MGAM2: variants seen among roughly 807,000 people sequenced by gnomAD.
The protein encoded by MGAM2 is probable maltase-glucoamylase 2.
Under a neutral mutation model 96.1 loss-of-function variants are expected in MGAM2, and 98 were observed. The observed-to-expected ratio is 1.02, with a 90% CI of 0.87 to 1.21. MGAM2 has a LOEUF of 1.21. MGAM2 is among the 50% of genes most tolerant of loss of function. MGAM2 has a pLI of 0.00. For missense variants in MGAM2, 2,055 were observed against 1,182.4 expected, an observed-to-expected ratio of 1.74 and a Z score of -10.82; for synonymous variants, 749 against 414.8, an observed-to-expected ratio of 1.81 and a Z score of -9.79.
At chr7:142,178,904 A>G (rs1796457064) in intron 32 of MGAM2, among the ~76,000 whole-genome samples, 1 of 152,122 alleles carries the variant, frequency 6.6e-6, no homozygotes, top group Non-Finnish European at 1.5e-5. Flanking sequence ...CATGAGCATG[A>G]AATGTTTTTT....
chr7:142,168,758 T>G (rs545876616), intron 26 of MGAM2, among the ~76,000 whole-genome samples: 1 of 150,376 alleles, frequency 6.6e-6, no homozygotes, highest in Non-Finnish European at 1.5e-5. Flanking sequence ...ATTTTAATAA[T>G]ATTTTAACCA....
chr7:142,145,145 T>C lies in MGAM2; in HGVS notation c.1516+200T>C, dbSNP rs190308564. The stretch of plus-strand genomic sequence containing the variant: ...TGCTGTCATAACTCCAGGGCAAGCA[T>C]GTGACAAAGTCTGAGCCTGCCTACC... On this transcript the variant is annotated intron_variant, in intron 14 of 47. Transcript: ENST00000477922. Among the ~76,000 whole-genome samples the C allele has an allele frequency of 2.6e-5, 4 of 152,280 alleles. No individual in the cohort carries two copies. In the East Asian group the frequency reaches 7.7e-4, roughly 29 times the overall value.
At chr7:142,179,170 T>G (rs1326326451) in intron 32 of MGAM2, among the ~76,000 whole-genome samples, 1 of 152,218 alleles carries the variant, frequency 6.6e-6, no homozygotes, top group Admixed American at 6.5e-5. Context: ...ACGTTATTGA[T>G]GTATAGAAAT....
intron 1 of MGAM2, among the ~76,000 whole-genome samples, chr7:142,114,241 C>T (rs1817309925): frequency 7.0e-6 from 1 of 142,220 alleles, no homozygotes; most frequent in Admixed American, 7.0e-5. Flanking sequence ...AAATAGGAGA[C>T]TACAAAGAAT....
At chr7:142,112,614 A>C (rs1028978191) in intron 1 of MGAM2, among the ~76,000 whole-genome samples, 5 of 152,136 alleles carry the variant, frequency 3.3e-5, no homozygotes, top group African/African-American at 1.2e-4. Context: ...CTAAGTCTTT[A>C]AGCTCTGCAG....
At chr7:142,195,040 G>A (rs1011079970) in intron 37 of MGAM2, among the ~76,000 whole-genome samples, 1 of 152,072 alleles carries the variant, frequency 6.6e-6, no homozygotes, top group Non-Finnish European at 1.5e-5. Flanking sequence ...GCCTCTGTGT[G>A]CAAAACATGT....
intron 3 of MGAM2, among the ~76,000 whole-genome samples, chr7:142,129,330 G>A (rs759539813): frequency 3.3e-5 from 5 of 152,066 alleles, no homozygotes; most frequent in African/African-American, 4.8e-5. Flanking sequence ...ATGAGACTTT[G>A]GACTTGTACT....
rs1469939801 is a variant in MGAM2, at chr7:142,150,825, A to T, written c.1635-3193A>T. 2.0e-5 allele frequency among the ~76,000 whole-genome samples: 3 copies of T among 152,178 alleles called. No individual in the cohort carries two copies. The East Asian group carries it at 5.8e-4, about 29-fold the overall frequency. ...GTACTTTATAATCGAACCCTTTCTT[A>T]CAATTTTTCTCTCACCTTTGCATCT... On this transcript the variant is annotated intron_variant, in intron 15 of 47. Coordinates refer to ENST00000477922, the MANE Select transcript of MGAM2 (RefSeq NM_001293626.2).
At chr7:142,199,012 C>G (rs1464890418) in intron 44 of MGAM2, among the ~76,000 whole-genome samples, 1 of 152,162 alleles carries the variant, frequency 6.6e-6, no homozygotes, top group Non-Finnish European at 1.5e-5. Flanking sequence ...AAATGTTTCT[C>G]TTTCCACACT....
rs1313595870 is a variant in MGAM2 at position 142,143,854 on chromosome 7, A to G, written c.1403A>G (p.Asp468Gly). 1.4e-6 allele frequency: 1 copy of G among 702,960 alleles called. No individual in the cohort carries two copies. The highest frequency in any genetic ancestry group is 2.6e-6 in the Non-Finnish European group (1 of 384,912). The allele number at this position is 702,960 out of a possible 1,614,324, so 43.5% of individuals were successfully genotyped here. Residue 468 changes from aspartate to glycine, a missense_variant, in exon 13 of 48, where the codon GAT (aspartate) becomes GGT (glycine). Physicochemically the swap from Asp to Gly is moderately conservative, Grantham distance 94. Transcript: ENST00000477922. ...ACAGATCAGGTCGCTAAATTTCATG[A>G]TCATCTGGAGTTTGATGGAGTGTGG... is the stretch of plus-strand genomic sequence containing the variant. The part of the protein sequence containing the change: ...WWTDQVAKFH[D>G]HLEFDGVWIE...
At chr7:142,151,727 A>G (rs1445926374) in intron 15 of MGAM2, among the ~76,000 whole-genome samples, 1 of 152,214 alleles carries the variant, frequency 6.6e-6, no homozygotes, top group African/African-American at 2.4e-5. Context: ...GGGTTGGTTA[A>G]TATATTCTAA....
Position 142,172,716 on chromosome 7 carries a change from C to T in MGAM2, c.3513C>T (p.Tyr1171=), listed in dbSNP as rs751041590. Residue 1171 remains tyrosine (Y), a synonymous_variant, in exon 30 of 48, where the codon TAC becomes TAT. Transcript: ENST00000477922. ...CCACAGGAGGGATTTTGGACTTCTA[C>T]ATTGTTTTGGGGCCAACCCCTGAAC... ...YRTTGGILDF[Y]IVLGPTPELV... is the part of the protein sequence containing the mutation. The T allele has an allele frequency of 5.7e-6, 4 of 704,458 alleles. No individual in the cohort carries two copies. The highest frequency in any genetic ancestry group is 1.0e-5 in the Non-Finnish European group (4 of 385,690). 43.6% of individuals were successfully genotyped at this position (704,458 alleles called of 1,614,324 possible).
intron 33 of MGAM2, among the ~76,000 whole-genome samples, chr7:142,183,859 A>T (rs1405922638): frequency 6.8e-6 from 1 of 147,650 alleles, no homozygotes; most frequent in East Asian, 2.1e-4. Flanking sequence ...TTTTAGGTGG[A>T]CTTCAGGTGA....
rs1797929807 is a variant in MGAM2, at chr7:142,221,577, G to T, written c.7066G>T (p.Ala2356Ser). The change falls in exon 48 of 48, where the codon GCT becomes TCT. Residue 2356 changes from alanine (A) to serine (S), a missense_variant. By Grantham distance (99) the Ala-to-Ser change is moderately conservative. Transcript: ENST00000477922. ...LDTKSTMVID[A>S]TVTTTSTKDN... is the part of the protein sequence containing the mutation. Reference sequence around the variant, plus strand: ...TACAAAAAGTACCATGGTAATAGATGCTACGGTCACTACTACCAGCACCAA... The same window carrying T: ...TACAAAAAGTACCATGGTAATAGATTCTACGGTCACTACTACCAGCACCAA... 9.5e-6 allele frequency: 5 copies of T among 527,368 alleles called. No homozygotes were observed. The South Asian group carries it at 1.4e-4, about 15-fold the overall frequency. 32.7% of individuals were successfully genotyped at this position (527,368 alleles called of 1,614,324 possible).
chr7:142,144,108 G>C, intron 13 of MGAM2: 1 of 320,598 alleles, frequency 3.1e-6, no homozygotes, highest in Non-Finnish European at 5.7e-6. Context: ...ATTTCATTTT[G>C]ATAAAGTTTT....
chr7:142,138,808 T>C, intron 10 of MGAM2, 141 bp downstream of exon 10: 1 of 596,404 alleles, frequency 1.7e-6, no homozygotes, highest in Admixed American at 2.8e-5. Context: ...ATTTGCATGT[T>C]AAGTTATGTA....
At chr7:142,203,536 A>G (rs1284509654) in intron 45 of MGAM2, among the ~76,000 whole-genome samples, 1 of 152,164 alleles carries the variant, frequency 6.6e-6, no homozygotes, top group Non-Finnish European at 1.5e-5. Flanking sequence ...GAGCCCAAAT[A>G]GCCAAAGCAA....
chr7:142,136,067 A>G (rs886137855), intron 7 of MGAM2, among the ~76,000 whole-genome samples: 4 of 152,198 alleles, frequency 2.6e-5, no homozygotes, highest in Non-Finnish European at 5.9e-5. Context: ...ATACTGAGTT[A>G]GACAAGCATC....
chr7:142,181,721 G>T (rs1359044364), intron 32 of MGAM2, among the ~76,000 whole-genome samples: 1 of 152,226 alleles, frequency 6.6e-6, no homozygotes, highest in African/African-American at 2.4e-5. Context: ...AGTCAGAGTG[G>T]GTTGTGGGGT....
Sources: allele counts gnomAD v4.1 joint callset (sites outside exome capture counted in the v4.1 genomes callset), GRCh38; gene constraint gnomAD v4.1.1; transcripts MANE v1.5; gene names NCBI Gene and HGNC (gene_info 2026-07-23, HGNC 2026-07-21).